The following PI4KA variants were observed in gnomAD, a reference collection of about 807,000 sequenced individuals.
The protein encoded by PI4KA is phosphatidylinositol 4-kinase alpha.
PI4KA carries 122 observed loss-of-function variants against 271.4 expected under a neutral mutation model. The ratio of observed to expected loss-of-function variants is 0.45; its 90% CI spans 0.39 to 0.52. The LOEUF (loss-of-function observed/expected upper bound fraction) is 0.52. Among genes scored for constraint, PI4KA ranks in the 20% least tolerant of loss-of-function variants. PI4KA has a pLI of 0.00. For synonymous variants in PI4KA, 1,041 were observed against 1,078.8 expected, an observed-to-expected ratio of 0.96 and a Z score of 0.69; for missense variants, 1,969 against 2,769.1, an observed-to-expected ratio of 0.71 and a Z score of 6.48.
At chr22:20,754,732 G>A (rs528210664) in intron 23 of PI4KA, among the ~76,000 whole-genome samples, 3 of 152,142 alleles carry the variant, frequency 2.0e-5, no homozygotes, top group Non-Finnish European at 2.9e-5. Flanking sequence ...GGTGGATCAC[G>A]AGGTCAGGAG....
intron 23 of PI4KA, among the ~76,000 whole-genome samples, chr22:20,760,558 C>CGA: frequency 6.6e-6 from 1 of 152,246 alleles, no homozygotes; most frequent in East Asian, 1.9e-4. Flanking sequence ...GTCTTATGTG[C>CGA]TCAATTCCAT....
At chr22:20,778,577 T>C (rs750792146) in intron 19 of PI4KA, among the ~76,000 whole-genome samples, 1 of 152,076 alleles carries the variant, frequency 6.6e-6, no homozygotes, top group Admixed American at 6.6e-5. Flanking sequence ...CCCCAAAGAT[T>C]GCACAAATTT....
At chr22:20,723,987 C>T (rs1334524595) in intron 42 of PI4KA, among the ~76,000 whole-genome samples, 1 of 151,670 alleles carries the variant, frequency 6.6e-6, no homozygotes, top group African/African-American at 2.4e-5. Flanking sequence ...TACGGGCTCC[C>T]GCCATCACAC....
chr22:20,721,927 T>C (rs1028446582), intron 42 of PI4KA: 1 of 160,446 alleles, frequency 6.2e-6, no homozygotes, highest in Admixed American at 5.8e-5. Context: ...AGAGACCTGG[T>C]GGGAGGTGAC....
chr22:20,748,200 A>G (rs1930318088), intron 28 of PI4KA, among the ~76,000 whole-genome samples: 2 of 152,240 alleles, frequency 1.3e-5, no homozygotes, highest in Non-Finnish European at 2.9e-5. Context: ...TTGACTGAGG[A>G]CAAGGCCAAT....
chr22:20,791,206 C>A (rs1934625775), intron 19 of PI4KA, among the ~76,000 whole-genome samples: 1 of 151,384 alleles, frequency 6.6e-6, no homozygotes, highest in Admixed American at 6.6e-5. Context: ...TGAAAGTTCA[C>A]AAGAATACAG....
At position 20,756,265 on chromosome 22, in the gene PI4KA, G is replaced by A. The variant is rs540268766; in HGVS notation, c.2792-3085C>T. Among the ~76,000 whole-genome samples, 10 of 151,420 alleles carry A rather than the reference G, an allele frequency of 6.6e-5. No homozygotes were observed. The South Asian group carries it at 8.3e-4, about 13-fold the overall frequency. ...TTTCGCTCATCGCCCAGGCTGGAGC[G>A]CAGTGGTGCGATCTCAGCTCACTGC... On this transcript the variant is annotated intron_variant, in intron 23 of 54. Transcript: ENST00000255882.
intron 7 of PI4KA, among the ~76,000 whole-genome samples, chr22:20,814,927 T>C (rs1921574634): frequency 6.6e-6 from 1 of 150,610 alleles, no homozygotes; most frequent in Non-Finnish European, 1.5e-5. Context: ...GAGGCTGAGG[T>C]GGGAAGATCG....
At chr22:20,811,232 C>T (rs1920983150) in intron 8 of PI4KA, among the ~76,000 whole-genome samples, 200 bp from the exon 9 acceptor site, 1 of 152,208 alleles carries the variant, frequency 6.6e-6, no homozygotes, top group African/African-American at 2.4e-5. Flanking sequence ...GACTGCTTTT[C>T]TACCTTAGAT....
chr22:20,839,867 T>A (rs1269084205), intron 1 of PI4KA, among the ~76,000 whole-genome samples: 1 of 152,100 alleles, frequency 6.6e-6, no homozygotes, highest in African/African-American at 2.4e-5. Context: ...CAGTTGGGAC[T>A]GAGCACAGCA....
intron 1 of PI4KA, among the ~76,000 whole-genome samples, chr22:20,844,094 A>G (rs1381925566): frequency 6.6e-6 from 1 of 152,196 alleles, no homozygotes; most frequent in African/African-American, 2.4e-5. Context: ...ATCTCCCATC[A>G]TATCTCTCAA....
intron 1 of PI4KA, among the ~76,000 whole-genome samples, chr22:20,851,948 C>G (rs977377373): frequency 6.6e-6 from 1 of 152,060 alleles, no homozygotes; most frequent in Non-Finnish European, 1.5e-5. Context: ...CACAGTGAAA[C>G]CCTGTCTCTA....
At chr22:20,766,779 G>C (rs1425828454) in intron 19 of PI4KA, among the ~76,000 whole-genome samples, 1 of 152,150 alleles carries the variant, frequency 6.6e-6, no homozygotes, top group African/African-American at 2.4e-5. Context: ...TGGTAAGCGG[G>C]GGCTTTGCTA....
intron 8 of PI4KA, among the ~76,000 whole-genome samples, chr22:20,811,617 A>C (rs1035041042): frequency 1.3e-5 from 2 of 151,932 alleles, no homozygotes; most frequent in Non-Finnish European, 2.9e-5. Flanking sequence ...CAAAAAAAAA[A>C]AAAAAACTGC....
intron 42 of PI4KA, among the ~76,000 whole-genome samples, chr22:20,722,509 G>A (rs1308345708): frequency 6.6e-6 from 1 of 152,092 alleles, no homozygotes; most frequent in Non-Finnish European, 1.5e-5. Flanking sequence ...ATAGCAGTGT[G>A]AAAATGGACT....
intron 29 of PI4KA, 53 bp downstream of exon 29, chr22:20,747,530 C>A: frequency 2.5e-6 from 4 of 1,596,240 alleles, no homozygotes; most frequent in Non-Finnish European, 3.4e-6. Flanking sequence ...TTCCCCTGCA[C>A]TGTGGCTCCT....
Position 20,742,214 on chromosome 22 carries a change from G to T in PI4KA, c.3741+14C>A. On this transcript the variant is annotated intron_variant, in intron 32 of 54. Coordinates refer to ENST00000255882, the MANE Select transcript of PI4KA (RefSeq NM_058004.4). ...CATCCCATCCTCACTGCCAACCCGAGGTCAGGGTCCTACCGGCACTTCCAC... is the reference window on the plus strand; with the variant it reads ...CATCCCATCCTCACTGCCAACCCGATGTCAGGGTCCTACCGGCACTTCCAC... 1 of 1,613,130 alleles carries T rather than the reference G, an allele frequency of 6.2e-7. No homozygotes were observed. Among genetic ancestry groups the T allele is most frequent in the Non-Finnish European group, 8.5e-7 (1 of 1,179,506 alleles).
intron 32 of PI4KA, among the ~76,000 whole-genome samples, chr22:20,741,900 T>G (rs897310328): frequency 3.9e-5 from 6 of 152,198 alleles, no homozygotes; most frequent in African/African-American, 1.2e-4. Flanking sequence ...AAGAAAAACA[T>G]TCCCGTGGAC....
intron 27 of PI4KA, among the ~76,000 whole-genome samples, chr22:20,750,821 A>C (rs148987315): frequency 0.01 from 1,575 of 152,294 alleles, 9 homozygotes; most frequent in Non-Finnish European, 0.015. Flanking sequence ...GGGAGAGGAG[A>C]GACCCAGTAC....
Sources: gnomAD v4.1 joint callset for allele counts (sites outside exome capture counted in the v4.1 genomes callset) on GRCh38, gnomAD v4.1.1 for gene constraint, MANE v1.5 for transcripts, NCBI Gene and HGNC (gene_info 2026-07-23, HGNC 2026-07-21) for gene names.